The following GTPBP10 variants were observed in gnomAD, a reference collection of about 807,000 sequenced individuals.
GTPBP10 encodes GTP-binding protein 10.
In GTPBP10, 38 loss-of-function variants were observed where a neutral mutation model predicts 44.8. The ratio of observed to expected loss-of-function variants is 0.85; its 90% CI spans 0.65 to 1.11. GTPBP10 has a LOEUF of 1.11. Among genes scored for constraint, GTPBP10 ranks in the 50% most tolerant of loss-of-function variants. GTPBP10 has a pLI of 0.00. For missense variants in GTPBP10, 462 were observed against 453.7 expected (o/e 1.02, Z -0.17); for synonymous variants, 152 against 150.6 (o/e 1.01, Z -0.07).
intron 4 of GTPBP10, 80 bp downstream of exon 4, chr7:90,355,310 G>T: frequency 1.1e-6 from 1 of 915,324 alleles, no homozygotes; most frequent in South Asian, 2.7e-5. Flanking sequence ...ATGGTAATTT[G>T]GGGCCATAAT....
intron 4 of GTPBP10, among the ~76,000 whole-genome samples, chr7:90,358,725 C>T (rs2115646976): frequency 6.6e-6 from 1 of 152,178 alleles, no homozygotes; most frequent in South Asian, 2.1e-4. Context: ...ACTAAGATCT[C>T]AAACCAAATG....
intron 1 of GTPBP10, among the ~76,000 whole-genome samples, chr7:90,351,068 G>C (rs1795781183): frequency 6.6e-6 from 1 of 152,330 alleles, no homozygotes; most frequent in South Asian, 2.1e-4. Flanking sequence ...GCATCACATG[G>C]CCTTTTAAGT....
rs113531159 is a variant in GTPBP10 at position 90,351,702 on chromosome 7, A to AT, written c.34-1103dup. Among the ~76,000 whole-genome samples, 373 of 148,192 alleles carry AT rather than the reference A, an allele frequency of 2.5e-3. 1 individual carries two copies. The highest frequency in any genetic ancestry group is 7.5e-3 in the African/African-American group (304 of 40,706). ...GAATTTTTTACTTTATTTCATAAGCATTTTTTTTTTTGAGACGGAGTCTCG... is the reference window on the plus strand; with the variant it reads ...GAATTTTTTACTTTATTTCATAAGCATTTTTTTTTTTTGAGACGGAGTCTCG... On this transcript the variant is annotated intron_variant, in intron 1 of 9. Coordinates refer to ENST00000222511, the MANE Select transcript of GTPBP10 (RefSeq NM_033107.4).
chr7:90,389,709 AACATGC>A lies in GTPBP10; in HGVS notation c.*4557_*4562del, dbSNP rs1300651330. On this transcript the variant is annotated 3_prime_UTR_variant, in exon 10 of 10. Transcript: ENST00000222511. ...CAGTGGACAAAAAGTGTTGGCAGAT[AACATGC>A]ATAATTTTAATTAAAAGTTAAGCAG... The A allele has an allele frequency of 6.7e-6, 1 of 148,638 alleles. No homozygotes were observed. Among genetic ancestry groups the A allele is most frequent in the Non-Finnish European group, 1.5e-5 (1 of 67,174 alleles). 9.2% of individuals were successfully genotyped at this position (148,638 alleles called of 1,614,324 possible). A position where few individuals can be genotyped will look rare whatever the true frequency, so the allele number is the denominator to read the frequency against.
rs962972299 is a variant in GTPBP10, at chr7:90,387,909, T to A, written c.*2755T>A. The A allele has an allele frequency of 2.6e-4, 39 of 152,220 alleles. No homozygotes were observed. Among genetic ancestry groups the A allele is most frequent in the African/African-American group, 9.2e-4 (38 of 41,460 alleles). 9.4% of individuals were successfully genotyped at this position (152,220 alleles called of 1,614,324 possible). On this transcript the variant is annotated 3_prime_UTR_variant, in exon 10 of 10. Coordinates refer to ENST00000222511, the MANE Select transcript of GTPBP10 (RefSeq NM_033107.4). ...TTTTTAAGCTCCATTGTTTTCTAAA[T>A]GTAAACAAGTATCAATGTAAGGACA...
chr7:90,374,311 T>C lies in GTPBP10; in HGVS notation c.548T>C (p.Leu183Ser). Residue 183 changes from leucine to serine, a missense_variant, in exon 6 of 10, where the codon TTA (leucine) becomes TCA (serine). Transcript: ENST00000222511. ...PAIADYAFTT[L>S]KPELGKIMYS... The stretch of plus-strand genomic sequence containing the variant: ...CTGTGTTTCCTTTTAGTTACAACAT[T>C]AAAGCCTGAACTTGGAAAGATAATG... 6.3e-7 allele frequency: 1 copy of C among 1,596,692 alleles called. No individual in the cohort carries two copies. The highest frequency in any genetic ancestry group is 8.6e-7 in the Non-Finnish European group (1 of 1,164,834).
intron 4 of GTPBP10, among the ~76,000 whole-genome samples, chr7:90,363,424 G>A (rs1013985309): frequency 6.6e-6 from 1 of 152,158 alleles, no homozygotes; most frequent in Non-Finnish European, 1.5e-5. Context: ...GAAATTCTGG[G>A]TTGAAAATTC....
chr7:90,369,538 C>T (rs972000106), intron 4 of GTPBP10, among the ~76,000 whole-genome samples: 1 of 152,210 alleles, frequency 6.6e-6, no homozygotes, highest in South Asian at 2.1e-4. Context: ...TACCCCTCCA[C>T]CTGCCAAGCT....
At chr7:90,377,725 A>G in intron 7 of GTPBP10, 111 bp downstream of exon 7, 2 of 679,334 alleles carry the variant, frequency 2.9e-6, no homozygotes, top group South Asian at 5.0e-5. Context: ...TTACTCCACT[A>G]AGTCTTTTAT....
intron 6 of GTPBP10, 76 bp downstream of exon 6, chr7:90,374,430 T>G: frequency 1.1e-6 from 1 of 926,280 alleles, no homozygotes; most frequent in South Asian, 1.4e-5. Context: ...GATATTATAG[T>G]TTTTGCCTGT....
At position 90,386,358 on chromosome 7, in the gene GTPBP10, C is replaced by T. The variant is rs1194799290; in HGVS notation, c.*1204C>T. 1 of 152,092 alleles carries T rather than the reference C, an allele frequency of 6.6e-6. No individual in the cohort carries two copies. The highest frequency in any genetic ancestry group is 2.4e-5 in the African/African-American group (1 of 41,414). 9.4% of individuals were successfully genotyped at this position (152,092 alleles called of 1,614,324 possible). A position where few individuals can be genotyped will look rare whatever the true frequency, so the allele number is the denominator to read the frequency against. ...AGATATGACAGAAACTAGAAGATAG[C>T]TGTTTATGATTTGAGCTTTTGGAAA... is the stretch of plus-strand genomic sequence containing the variant. On this transcript the variant is annotated 3_prime_UTR_variant, in exon 10 of 10. Transcript: ENST00000222511.
intron 4 of GTPBP10, among the ~76,000 whole-genome samples, chr7:90,370,454 A>G (rs1207555477): frequency 1.3e-5 from 2 of 152,116 alleles, no homozygotes; most frequent in South Asian, 4.2e-4. Flanking sequence ...CGGAAATCCA[A>G]GTGCCACATA....
chr7:90,383,282 CAAAA>C (rs1344632142), intron 9 of GTPBP10, among the ~76,000 whole-genome samples: 1 of 151,822 alleles, frequency 6.6e-6, no homozygotes, highest in African/African-American at 2.4e-5. Flanking sequence ...TTAAAGGAGA[CAAAA>C]GAAAGATTAA....
At chr7:90,354,206 A>G (rs1049815845) in intron 2 of GTPBP10, among the ~76,000 whole-genome samples, 4 of 152,150 alleles carry the variant, frequency 2.6e-5, no homozygotes, top group Non-Finnish European at 5.9e-5. Context: ...TCGGGTTAAA[A>G]TGACCTTTGG....
chr7:90,361,503 A>G (rs558253722), intron 4 of GTPBP10, among the ~76,000 whole-genome samples: 1 of 152,296 alleles, frequency 6.6e-6, no homozygotes, highest in East Asian at 1.9e-4. Flanking sequence ...ATGGTGGATA[A>G]GCTTTTTGAT....
At chr7:90,361,303 C>T (rs551468730) in intron 4 of GTPBP10, among the ~76,000 whole-genome samples, 6 of 152,218 alleles carry the variant, frequency 3.9e-5, no homozygotes, top group Admixed American at 1.3e-4. Context: ...TTTTGAGATA[C>T]GTTCCATCAA....
At chr7:90,353,130 C>A in intron 2 of GTPBP10, 121 bp downstream of exon 2, 1 of 629,164 alleles carries the variant, frequency 1.6e-6, no homozygotes, top group Non-Finnish European at 2.6e-6. Flanking sequence ...GTATTTATAA[C>A]CAAGCAAAAG....
At chr7:90,353,770 G>A (rs1406128032) in intron 2 of GTPBP10, among the ~76,000 whole-genome samples, 3 of 149,870 alleles carry the variant, frequency 2.0e-5, no homozygotes, top group Admixed American at 2.0e-4. Context: ...CTCATTTGAG[G>A]TTAGTTTTTT....
intron 4 of GTPBP10, among the ~76,000 whole-genome samples, chr7:90,356,194 C>A (rs1795897423): frequency 1.3e-5 from 2 of 152,236 alleles, no homozygotes; most frequent in South Asian, 4.1e-4. Flanking sequence ...TTTTGCCCTG[C>A]CTGACCAGCC....
Sources: gnomAD v4.1 joint callset for allele counts (sites outside exome capture counted in the v4.1 genomes callset) on GRCh38, gnomAD v4.1.1 for gene constraint, MANE v1.5 for transcripts, NCBI Gene and HGNC (gene_info 2026-07-23, HGNC 2026-07-21) for gene names.